The following DCAF10 variants were observed in gnomAD, a reference collection of about 807,000 sequenced individuals.
The protein encoded by DCAF10 is DDB1 and CUL4 associated factor 10.
A neutral mutation model predicts 51.9 loss-of-function variants in DCAF10; 19 were observed. The observed-to-expected ratio is 0.37, with a 90% confidence interval of 0.26 to 0.54. DCAF10 has a LOEUF of 0.54. Among genes scored for constraint, DCAF10 ranks in the 20% least tolerant of loss-of-function variants. The pLI is 0.87. For missense variants in DCAF10, 510 were observed against 730.6 expected (o/e 0.70, Z 3.48); for synonymous variants, 291 against 297.1 (o/e 0.98, Z 0.21).
At chr9:37,821,090 C>CATATAT (rs144524647) in intron 2 of DCAF10, among the ~76,000 whole-genome samples, 4,883 of 150,376 alleles carry the variant, frequency 0.032, 250 homozygotes, top group African/African-American at 0.11. Context: ...CATATACAAA[C>CATATAT]ATATATATAT....
intron 3 of DCAF10, among the ~76,000 whole-genome samples, chr9:37,848,189 T>C (rs540799066): frequency 1.8e-4 from 27 of 152,226 alleles, no homozygotes; most frequent in African/African-American, 5.8e-4. Context: ...AAACATGGAG[T>C]TACCATATGA....
intron 2 of DCAF10, chr9:37,836,259 T>C: frequency 6.4e-7 from 1 of 1,568,112 alleles, no homozygotes; most frequent in Non-Finnish European, 8.8e-7. Context: ...AGCAGATGTC[T>C]ACGTGGAATA....
Position 37,801,518 on chromosome 9 carries a change from G to C in DCAF10, c.539+113G>C, listed in dbSNP as rs562476923. On this transcript the variant is annotated intron_variant, in intron 1 of 6. Transcript: ENST00000377724. The surrounding 1 kb of genome is among the most constrained non-coding windows in gnomAD (Gnocchi z 5.5). Reference sequence around the variant, plus strand: ...CGGGCCGAGGTTAGCGAGGCCGTTTGGGGCCGCTGGCCTTCGTGCCTCCTG... The same window carrying C: ...CGGGCCGAGGTTAGCGAGGCCGTTTCGGGCCGCTGGCCTTCGTGCCTCCTG... The C allele has an allele frequency of 2.4e-6, 3 of 1,246,586 alleles. No homozygotes were observed. Among genetic ancestry groups the C allele is most frequent in the East Asian group, 6.4e-5 (2 of 31,418 alleles). The allele number at this position is 1,246,586 out of a possible 1,614,324, so 77.2% of individuals were successfully genotyped here.
intron 3 of DCAF10, among the ~76,000 whole-genome samples, chr9:37,847,412 G>A (rs1355354193): frequency 6.6e-6 from 1 of 151,786 alleles, no homozygotes; most frequent in Non-Finnish European, 1.5e-5. Flanking sequence ...TACAGGGTTG[G>A]TTTAACTCCC....
Position 37,800,984 on chromosome 9 carries a change from C to G in DCAF10, c.118C>G (p.Pro40Ala), listed in dbSNP as rs761843398. 9.2e-6 allele frequency: 14 copies of G among 1,529,966 alleles called. No homozygotes were observed. The East Asian group carries it at 3.0e-4, about 33-fold the overall frequency. 94.8% of individuals were successfully genotyped at this position (1,529,966 alleles called of 1,614,324 possible). Residue 40 changes from proline (P) to alanine (A), a missense_variant, in exon 1 of 7, where the codon CCC (proline) becomes GCC (alanine). This residue lies in a region of DCAF10 where 251 missense variants were observed against 227.9 expected (regional missense o/e 1.10). Coordinates refer to ENST00000377724, the MANE Select transcript of DCAF10 (RefSeq NM_024345.5). The part of the protein sequence containing the change: ...AATGPPSPLH[P>A]GADATHPPPP... ...CACCGGGCCGCCCTCGCCACTACATCCCGGGGCTGATGCGACCCATCCCCC... is the reference window on the plus strand; with the variant it reads ...CACCGGGCCGCCCTCGCCACTACATGCCGGGGCTGATGCGACCCATCCCCC...
At chr9:37,850,330 T>C (rs1188761381) in intron 3 of DCAF10, among the ~76,000 whole-genome samples, 2 of 152,172 alleles carry the variant, frequency 1.3e-5, no homozygotes, top group Non-Finnish European at 2.9e-5. Context: ...ATCTGCACTC[T>C]CATGTTCATT....
At chr9:37,857,099 G>A in intron 4 of DCAF10, 142 bp from the exon 5 acceptor site, 2 of 521,288 alleles carry the variant, frequency 3.8e-6, no homozygotes, top group Non-Finnish European at 6.6e-6. Context: ...GAGCTGTCTT[G>A]CCTTCCTCAG....
intron 3 of DCAF10, among the ~76,000 whole-genome samples, chr9:37,848,606 C>T (rs753090105): frequency 1.1e-3 from 170 of 152,212 alleles, no homozygotes; most frequent in Admixed American, 3.3e-3. Context: ...GGAGGAATCT[C>T]TTAAGGTGAT....
At chr9:37,802,608 G>A (rs1828989631) in intron 1 of DCAF10, among the ~76,000 whole-genome samples, 1 of 152,108 alleles carries the variant, frequency 6.6e-6, no homozygotes, top group African/African-American at 2.4e-5. Context: ...TGCTAAGGAA[G>A]GAGCAAAGGA....
intron 3 of DCAF10, among the ~76,000 whole-genome samples, chr9:37,853,815 C>T (rs57510594): frequency 0.15 from 22,510 of 151,992 alleles, 1,744 homozygotes; most frequent in Non-Finnish European, 0.16. Flanking sequence ...TCTGTCCTCA[C>T]GCCTCAGCCT....
At chr9:37,850,237 A>C (rs1830593931) in intron 3 of DCAF10, among the ~76,000 whole-genome samples, 1 of 152,222 alleles carries the variant, frequency 6.6e-6, no homozygotes, top group Non-Finnish European at 1.5e-5. Context: ...TCAAAAACTT[A>C]AAAATAGAAC....
Position 37,829,307 on chromosome 9 carries a change from G to A in DCAF10, c.653+9906G>A, listed in dbSNP as rs751809805. ...ATACAAAAATTAGCCGGGCATGGTC[G>A]TGCATGCCTGTAATCCCAGCTACTC... is the stretch of plus-strand genomic sequence containing the variant. On this transcript the variant is annotated intron_variant, in intron 2 of 6. Transcript: ENST00000377724. This position sits in a 1 kb window ranked among gnomAD's most constrained non-coding sequence, Gnocchi z 4.2. Among the ~76,000 whole-genome samples, 2 of 152,132 alleles carry A rather than the reference G, an allele frequency of 1.3e-5. No homozygotes were observed. Among genetic ancestry groups the A allele is most frequent in the Non-Finnish European group, 2.9e-5 (2 of 68,014 alleles).
chr9:37,800,619 G>A (rs1828886005), upstream of DCAF10: 2 of 1,535,988 alleles, frequency 1.3e-6, no homozygotes, highest in African/African-American at 1.4e-5. Flanking sequence ...ACCCAGATCA[G>A]GTGCCCAGAT....
intron 1 of DCAF10, among the ~76,000 whole-genome samples, chr9:37,805,820 C>G (rs766481596): frequency 3.9e-5 from 6 of 152,226 alleles, no homozygotes; most frequent in African/African-American, 9.6e-5. Context: ...CGCAGTGGCT[C>G]ACGCCTACAA....
intron 1 of DCAF10, among the ~76,000 whole-genome samples, chr9:37,815,555 G>C (rs1829499481): frequency 6.6e-6 from 1 of 151,912 alleles, no homozygotes; most frequent in African/African-American, 2.4e-5. Flanking sequence ...TGCGGCAGGA[G>C]AATCACTTGA....
chr9:37,857,210 GTTTA>G, intron 4 of DCAF10, 27 bp from the exon 5 acceptor site: 1 of 1,520,170 alleles, frequency 6.6e-7, no homozygotes, highest in Non-Finnish European at 8.9e-7. Context: ...GTTATGCTAG[GTTTA>G]TTGTCAGAAT....
intron 2 of DCAF10, among the ~76,000 whole-genome samples, chr9:37,834,885 C>T (rs965004061): frequency 6.6e-5 from 10 of 151,810 alleles, no homozygotes; most frequent in African/African-American, 2.4e-4. Flanking sequence ...GCCTCCCTGG[C>T]TCAAGAGATT....
Position 37,864,804 on chromosome 9 carries a change from A to G in DCAF10, c.*3296A>G, listed in dbSNP as rs1001121279. On this transcript the variant is annotated 3_prime_UTR_variant, in exon 7 of 7. Transcript: ENST00000377724. ...AATGATTCTTTACTATAGAGTACCT[A>G]TCATGTGTCAAATAATATACAGACT... 6.6e-6 allele frequency: 1 copy of G among 152,130 alleles called. No homozygotes were observed. The highest frequency in any genetic ancestry group is 1.5e-5 in the Non-Finnish European group (1 of 68,026). The allele number at this position is 152,130 out of a possible 1,614,324, so 9.4% of individuals were successfully genotyped here.
At chr9:37,840,642 C>T (rs1830306016) in intron 2 of DCAF10, among the ~76,000 whole-genome samples, 3 of 152,074 alleles carry the variant, frequency 2.0e-5, no homozygotes, top group South Asian at 2.1e-4. Flanking sequence ...TTATAGTAAT[C>T]GAAGGTTAAT....
Sources: allele counts gnomAD v4.1 joint callset (sites outside exome capture counted in the v4.1 genomes callset), GRCh38; gene constraint gnomAD v4.1.1; regional missense constraint gnomAD v4.1.1; non-coding constraint Gnocchi (gnomAD v3.1); transcripts MANE v1.5; gene names NCBI Gene and HGNC (gene_info 2026-07-23, HGNC 2026-07-21).